Variants in LRP1B observed in about 807,000 individuals in gnomAD.
LRP1B encodes the protein LDL receptor related protein 1B, also known as low-density lipoprotein receptor-related protein 1B.
Under a neutral mutation model 556.6 loss-of-function variants are expected in LRP1B, and 217 were observed. The observed-to-expected ratio is 0.39, with a 90% CI of 0.35 to 0.44. The LOEUF (loss-of-function observed/expected upper bound fraction) is 0.44. Among genes scored for constraint, LRP1B ranks in the 20% least tolerant of loss-of-function variants. The probability of loss-of-function intolerance (pLI) is 1.00; values close to 1 mark genes in which losing one functional copy is unlikely to be tolerated. For synonymous variants in LRP1B, 2,047 were observed against 1,865.8 expected (o/e 1.10, Z -2.50); for missense variants, 5,053 against 5,620.8 (o/e 0.90, Z 3.23).
intron 3 of LRP1B, among the ~76,000 whole-genome samples, chr2:141,410,507 T>A (rs1002626103): frequency 6.6e-6 from 1 of 152,114 alleles, no homozygotes; most frequent in Non-Finnish European, 1.5e-5. Flanking sequence ...TAAGGCAATT[T>A]TTGTAAAATT....
At chr2:140,374,990 GTTT>G (rs555035716) in intron 68 of LRP1B, among the ~76,000 whole-genome samples, 11 of 151,968 alleles carry the variant, frequency 7.2e-5, no homozygotes, top group African/African-American at 2.7e-4. Flanking sequence ...TCGTTCTTCA[GTTT>G]TTTTAAATGC....
intron 35 of LRP1B, among the ~76,000 whole-genome samples, chr2:140,747,765 G>C (rs1688366727): frequency 6.6e-6 from 1 of 152,028 alleles, no homozygotes. Context: ...TGGTTTAAAA[G>C]TGACCTGAAA....
At chr2:142,122,553 T>C (rs1161260104) in intron 1 of LRP1B, among the ~76,000 whole-genome samples, 2 of 152,074 alleles carry the variant, frequency 1.3e-5, no homozygotes, top group Non-Finnish European at 2.9e-5. Flanking sequence ...CTGCTAGTCT[T>C]TGTGTTAGAA....
At chr2:141,699,587 C>T (rs1691862241) in intron 2 of LRP1B, among the ~76,000 whole-genome samples, 1 of 151,346 alleles carries the variant, frequency 6.6e-6, no homozygotes, top group Non-Finnish European at 1.5e-5. Flanking sequence ...TTAACCTGTA[C>T]CCTGTTACAA....
At chr2:142,097,829 C>T (rs1706429085) in intron 1 of LRP1B, among the ~76,000 whole-genome samples, 1 of 151,542 alleles carries the variant, frequency 6.6e-6, no homozygotes, top group Admixed American at 6.6e-5. Context: ...ATATGGCATT[C>T]AGAATAAGTA....
intron 50 of LRP1B, among the ~76,000 whole-genome samples, chr2:140,515,500 A>C (rs530450805): frequency 6.6e-6 from 1 of 152,130 alleles, no homozygotes; most frequent in African/African-American, 2.4e-5. Context: ...TCACTAGAAA[A>C]CCTTCAAAAG....
At chr2:141,014,007 T>G (rs2105386459) in intron 13 of LRP1B, among the ~76,000 whole-genome samples, 1 of 152,198 alleles carries the variant, frequency 6.6e-6, no homozygotes, top group Middle Eastern at 3.4e-3. Flanking sequence ...TGTAAATTCT[T>G]TCATCTATGG....
At chr2:142,027,238 C>A (rs1202211383) in intron 1 of LRP1B, among the ~76,000 whole-genome samples, 1 of 151,624 alleles carries the variant, frequency 6.6e-6, no homozygotes, top group African/African-American at 2.4e-5. Context: ...AAAACAAAAA[C>A]CAACAGACTG....
intron 7 of LRP1B, among the ~76,000 whole-genome samples, chr2:141,174,968 T>G (rs534459256): frequency 6.6e-6 from 1 of 152,250 alleles, no homozygotes; most frequent in East Asian, 1.9e-4. Flanking sequence ...AGATCACTCT[T>G]GCTATTCTTT....
chr2:141,626,796 C>T (rs1323250005), intron 2 of LRP1B, among the ~76,000 whole-genome samples: 9 of 152,144 alleles, frequency 5.9e-5, no homozygotes, highest in Admixed American at 5.9e-4. Context: ...AGATTGACAA[C>T]ATTAAATGCA....
rs549248811 is a variant in LRP1B, at chr2:140,646,775, T to C, written c.6800-45136A>G. Among the ~76,000 whole-genome samples the C allele has an allele frequency of 2.6e-5, 4 of 152,224 alleles. No homozygotes were observed. In the South Asian group the frequency reaches 8.3e-4, roughly 32 times the overall value. On this transcript the variant is annotated intron_variant, in intron 41 of 90. Coordinates refer to ENST00000389484, the MANE Select transcript of LRP1B (RefSeq NM_018557.3). ...AAGTTTTCAGCATCATTCCTAGATA[T>C]ATATATAAATGTATATGAGCAAATA...
At chr2:141,854,605 T>C (rs1387176497) in intron 1 of LRP1B, among the ~76,000 whole-genome samples, 1 of 151,946 alleles carries the variant, frequency 6.6e-6, no homozygotes, top group Admixed American at 6.6e-5. Context: ...TCCATCATTT[T>C]GGAAAAAATA....
At chr2:140,541,653 A>G (rs950351086) in intron 44 of LRP1B, 126 bp downstream of exon 44, 1 of 752,962 alleles carries the variant, frequency 1.3e-6, no homozygotes, top group African/African-American at 1.8e-5. Context: ...CCACAGTCAT[A>G]GTAACAAAAA....
intron 7 of LRP1B, among the ~76,000 whole-genome samples, chr2:141,124,935 C>T (rs929474798): frequency 6.6e-6 from 1 of 152,098 alleles, no homozygotes. Context: ...GACCACTAAC[C>T]TTCCACCTTT....
chr2:140,940,942 T>G (rs1259509181), intron 20 of LRP1B, among the ~76,000 whole-genome samples: 1 of 152,164 alleles, frequency 6.6e-6, no homozygotes, highest in Non-Finnish European at 1.5e-5. Context: ...GTTTCTTGAC[T>G]TTTTAAGTGA....
intron 49 of LRP1B, among the ~76,000 whole-genome samples, chr2:140,518,929 CT>C (rs1455857621): frequency 6.6e-6 from 1 of 151,926 alleles, no homozygotes; most frequent in African/African-American, 2.4e-5. Context: ...ATTTCTTTCT[CT>C]TGCCTGATTG....
chr2:141,179,573 T>C (rs181606797), intron 7 of LRP1B, among the ~76,000 whole-genome samples: 1 of 152,080 alleles, frequency 6.6e-6, no homozygotes, highest in East Asian at 1.9e-4. Flanking sequence ...CTGCACAATT[T>C]TTACCTCCAT....
At chr2:140,483,615 C>CATAT (rs201503377) in intron 59 of LRP1B, among the ~76,000 whole-genome samples, 7 of 88,352 alleles carry the variant, frequency 7.9e-5, no homozygotes, top group Admixed American at 2.9e-4. Context: ...CACACACACA[C>CATAT]ATATATATAT....
At chr2:140,620,349 C>T (rs1683406843) in intron 41 of LRP1B, among the ~76,000 whole-genome samples, 1 of 152,152 alleles carries the variant, frequency 6.6e-6, no homozygotes, top group Non-Finnish European at 1.5e-5. Context: ...GTCTGTCAGT[C>T]AGTGTCATTC....
Sources: allele counts gnomAD v4.1 joint callset (sites outside exome capture counted in the v4.1 genomes callset), GRCh38; gene constraint gnomAD v4.1.1; transcripts MANE v1.5; gene names NCBI Gene and HGNC (gene_info 2026-07-23, HGNC 2026-07-21).